Variants in CDC73 observed in about 807,000 individuals in gnomAD.
CDC73 encodes the protein cell division cycle 73, also known as parafibromin.
In CDC73, 21 loss-of-function variants were observed where a neutral mutation model predicts 83.7. The ratio of observed to expected loss-of-function variants is 0.25; its 90% CI spans 0.18 to 0.36. The LOEUF is 0.36. CDC73 is among the 10% of genes least tolerant of loss of function. CDC73 has a pLI of 1.00. For synonymous variants in CDC73, 224 were observed against 212.9 expected, an observed-to-expected ratio of 1.05 and a Z score of -0.45; for missense variants, 342 against 653.3, an observed-to-expected ratio of 0.52 and a Z score of 5.19.
intron 10 of CDC73, among the ~76,000 whole-genome samples, chr1:193,191,462 AC>A (rs1676916969): frequency 6.6e-6 from 1 of 152,146 alleles, no homozygotes; most frequent in Non-Finnish European, 1.5e-5. Context: ...ATCTTGGCTC[AC>A]TGCAACTTCC....
intron 10 of CDC73, among the ~76,000 whole-genome samples, chr1:193,163,150 GTTGT>G (rs1372832664): frequency 0.014 from 2,020 of 145,562 alleles, 19 homozygotes; most frequent in South Asian, 0.034. Flanking sequence ...ACTTTGTGGG[GTTGT>G]GTGTGTGTGT....
intron 10 of CDC73, among the ~76,000 whole-genome samples, chr1:193,187,265 T>G (rs1676830413): frequency 6.6e-6 from 1 of 152,138 alleles, no homozygotes; most frequent in South Asian, 2.1e-4. Context: ...TGTCATTTAT[T>G]TTTTATTTAT....
At chr1:193,240,177 C>T (rs1160208366) in intron 15 of CDC73, among the ~76,000 whole-genome samples, 2 of 152,146 alleles carry the variant, frequency 1.3e-5, no homozygotes, top group Admixed American at 6.5e-5. Context: ...GTCCATGTCG[C>T]CTTGCCACAG....
chr1:193,234,173 TCTCA>T (rs1473582278), intron 14 of CDC73, among the ~76,000 whole-genome samples: 217 of 68,320 alleles, frequency 3.2e-3, no homozygotes, highest in Non-Finnish European at 4.4e-3. Flanking sequence ...TCTCTCTCTC[TCTCA>T]CACACACACA....
At chr1:193,211,528 T>A (rs1481072231) in intron 11 of CDC73, among the ~76,000 whole-genome samples, 1 of 152,218 alleles carries the variant, frequency 6.6e-6, no homozygotes, top group Non-Finnish European at 1.5e-5. Context: ...TAGTGGCATA[T>A]CCAAATTGTC....
At chr1:193,184,342 A>G (rs1409500073) in intron 10 of CDC73, among the ~76,000 whole-genome samples, 2 of 151,968 alleles carry the variant, frequency 1.3e-5, no homozygotes, top group African/African-American at 4.8e-5. Flanking sequence ...TGATAAAATT[A>G]TTCTCCAGTT....
chr1:193,216,987 G>A (rs756044729), intron 13 of CDC73, among the ~76,000 whole-genome samples: 3 of 152,110 alleles, frequency 2.0e-5, no homozygotes, highest in Non-Finnish European at 4.4e-5. Context: ...ACATCATACT[G>A]AATAGGCAAA....
intron 13 of CDC73, among the ~76,000 whole-genome samples, chr1:193,221,177 C>T (rs554041675): frequency 6.6e-6 from 1 of 152,070 alleles, no homozygotes; most frequent in Non-Finnish European, 1.5e-5. Flanking sequence ...TGAGGGAGCA[C>T]ATTGAGAAGA....
In CDC73 at chr1:193,232,930, T is replaced by C. The variant is rs574096599; in HGVS notation, c.1155-63T>C. 5.7e-6 allele frequency: 8 copies of C among 1,410,646 alleles called. No homozygotes were observed. The East Asian group carries it at 1.8e-4, about 32-fold the overall frequency. The allele number at this position is 1,410,646 out of a possible 1,614,324, so 87.4% of individuals were successfully genotyped here. A position where few individuals can be genotyped will look rare whatever the true frequency, so the allele number is the denominator to read the frequency against. ...AAAAAAAAAATATTTCAAATTATAG[T>C]TTATCTTCCCATTTTCATCACGTGG... is the stretch of plus-strand genomic sequence containing the variant. On this transcript the variant is annotated intron_variant, in intron 13 of 16. Coordinates refer to ENST00000367435, the MANE Select transcript of CDC73 (RefSeq NM_024529.5).
intron 5 of CDC73, among the ~76,000 whole-genome samples, chr1:193,137,153 ATC>A (rs2103123097): frequency 6.6e-6 from 1 of 152,366 alleles, no homozygotes; most frequent in Non-Finnish European, 1.5e-5. Context: ...GGCTGCAGTT[ATC>A]TTTAAAATCA....
intron 4 of CDC73, 37 bp from the exon 5 acceptor site, chr1:193,135,500 A>G (rs1021234265): frequency 6.2e-7 from 1 of 1,610,950 alleles, no homozygotes; most frequent in African/African-American, 1.3e-5. Flanking sequence ...AGCCCATTCC[A>G]AAACTACACA....
intron 10 of CDC73, chr1:193,181,097 G>T (rs1390876823): frequency 2.8e-5 from 45 of 1,613,878 alleles, no homozygotes; most frequent in Non-Finnish European, 3.4e-5. Context: ...GCAGCTATTA[G>T]TAGTATTAAA....
At chr1:193,162,880 T>C (rs1676363742) in intron 10 of CDC73, among the ~76,000 whole-genome samples, 1 of 152,162 alleles carries the variant, frequency 6.6e-6, no homozygotes, top group African/African-American at 2.4e-5. Flanking sequence ...CTAATATATT[T>C]CATTATACCA....
chr1:193,149,376 GT>G (rs931674190), intron 8 of CDC73, among the ~76,000 whole-genome samples: 327 of 143,774 alleles, frequency 2.3e-3, no homozygotes, highest in Middle Eastern at 3.6e-3. Context: ...CTTATTAGAT[GT>G]TTTTTTTTTT....
chr1:193,122,366 G>C, intron 1 of CDC73, 35 bp downstream of exon 1: 6 of 1,613,506 alleles, frequency 3.7e-6, no homozygotes, highest in Non-Finnish European at 5.1e-6. Context: ...AGGGGTGGCA[G>C]GGCAGAGTTG....
chr1:193,228,073 C>T (rs187842860), intron 13 of CDC73, among the ~76,000 whole-genome samples: 1 of 152,238 alleles, frequency 6.6e-6, no homozygotes, highest in Non-Finnish European at 1.5e-5. Flanking sequence ...GCACTTTGGT[C>T]ACATTCTTTG....
At chr1:193,147,011 T>A (rs1194283248) in intron 7 of CDC73, among the ~76,000 whole-genome samples, 5 of 151,850 alleles carry the variant, frequency 3.3e-5, no homozygotes, top group Non-Finnish European at 7.4e-5. Context: ...TTTTTTTTTT[T>A]AGACGGATTC....
intron 10 of CDC73, among the ~76,000 whole-genome samples, chr1:193,176,337 TG>T (rs752261824): frequency 6.6e-6 from 1 of 152,226 alleles, no homozygotes; most frequent in Non-Finnish European, 1.5e-5. Flanking sequence ...ACACAAGAAC[TG>T]TTTTGCTTTT....
rs891107108 is a variant in CDC73 at position 193,246,110 on chromosome 1, T to C, written c.1418-3620T>C. 3.9e-5 allele frequency among the ~76,000 whole-genome samples: 6 copies of C among 152,196 alleles called. 1 individual carries two copies. Among genetic ancestry groups the C allele is most frequent in the African/African-American group, 1.2e-4 (5 of 41,466 alleles). On this transcript the variant is annotated intron_variant, in intron 15 of 16. Transcript: ENST00000367435. ...TCACTCTGTTGGTTGTTTCCTTTAC[T>C]GTGCAGAAGCTTTTTAGTTTGATAT...
Sources: gnomAD v4.1 joint callset for allele counts (sites outside exome capture counted in the v4.1 genomes callset) on GRCh38, gnomAD v4.1.1 for gene constraint, MANE v1.5 for transcripts, NCBI Gene and HGNC (gene_info 2026-07-23, HGNC 2026-07-21) for gene names.